HECTD4: variants seen among roughly 807,000 people sequenced by gnomAD.
The protein encoded by HECTD4 is probable E3 ubiquitin-protein ligase HECTD4.
In HECTD4, 114 loss-of-function variants were observed where a neutral mutation model predicts 471.5. That is an observed-to-expected ratio of 0.24 (90% CI 0.21 to 0.28). The LOEUF is 0.28. HECTD4 is among the 10% of genes least tolerant of loss of function. The probability of loss-of-function intolerance (pLI) is 1.00; values close to 1 mark genes in which losing one functional copy is unlikely to be tolerated. For missense variants in HECTD4, 3,866 were observed against 5,651.5 expected (o/e 0.68, Z 10.13); for synonymous variants, 2,012 against 2,256.0 (o/e 0.89, Z 3.07).
chr12:112,289,018 T>C (rs1296919613), intron 7 of HECTD4, among the ~76,000 whole-genome samples: 1 of 152,264 alleles, frequency 6.6e-6, no homozygotes, highest in Admixed American at 6.5e-5. Context: ...TTTATATTAA[T>C]AATAGTTTGT....
At chr12:112,164,544 T>C (rs2030847180) in intron 72 of HECTD4, among the ~76,000 whole-genome samples, 1 of 151,942 alleles carries the variant, frequency 6.6e-6, no homozygotes, top group Non-Finnish European at 1.5e-5. Flanking sequence ...ATGGACCGAC[T>C]ATGATGGGAA....
At chr12:112,330,009 G>A (rs2135714084) in intron 1 of HECTD4, among the ~76,000 whole-genome samples, 1 of 152,052 alleles carries the variant, frequency 6.6e-6, no homozygotes, top group South Asian at 2.1e-4. Context: ...GGGCGCAGTG[G>A]CTCACGCCTA....
intron 1 of HECTD4, among the ~76,000 whole-genome samples, chr12:112,338,548 A>G (rs1566117017): frequency 6.6e-6 from 1 of 152,108 alleles, no homozygotes; most frequent in Non-Finnish European, 1.5e-5. Context: ...TGAACCCAGG[A>G]GGCGCAGGTT....
intron 1 of HECTD4, among the ~76,000 whole-genome samples, chr12:112,332,342 G>A (rs1030055486): frequency 6.6e-6 from 1 of 151,852 alleles, no homozygotes; most frequent in Non-Finnish European, 1.5e-5. Flanking sequence ...AGACCAGCCT[G>A]GCCAACCAAC....
intron 1 of HECTD4, among the ~76,000 whole-genome samples, chr12:112,328,025 T>C (rs1394329640): frequency 6.6e-6 from 1 of 152,228 alleles, no homozygotes; most frequent in Non-Finnish European, 1.5e-5. Flanking sequence ...CAATTCATTA[T>C]ATGAACCTGT....
intron 54 of HECTD4, chr12:112,203,378 T>C: frequency 2.9e-6 from 1 of 343,974 alleles, no homozygotes; most frequent in Non-Finnish European, 5.3e-6. Context: ...CAGAAAATAA[T>C]GGTAGAGGTG....
chr12:112,344,375 T>G, intron 1 of HECTD4, among the ~76,000 whole-genome samples: 1 of 152,122 alleles, frequency 6.6e-6, no homozygotes, highest in East Asian at 1.9e-4. Context: ...TCTGTAACAA[T>G]TCAGATGAGT....
intron 55 of HECTD4, among the ~76,000 whole-genome samples, chr12:112,198,514 G>A (rs1343042713): frequency 6.6e-6 from 1 of 152,216 alleles, no homozygotes; most frequent in East Asian, 1.9e-4. Flanking sequence ...CTGTTGTGGA[G>A]AGGAGAGTTG....
intron 54 of HECTD4, chr12:112,202,862 G>A (rs1021635875): frequency 6.6e-6 from 1 of 152,218 alleles, no homozygotes; most frequent in African/African-American, 2.4e-5. Flanking sequence ...GGAAACCACT[G>A]ATCCAGTTTA....
At chr12:112,252,075 T>G (rs1026566415) in intron 23 of HECTD4, among the ~76,000 whole-genome samples, 5 of 152,170 alleles carry the variant, frequency 3.3e-5, no homozygotes, top group Admixed American at 6.6e-5. Flanking sequence ...CCCAGCCGGA[T>G]GCTTAACTAC....
At chr12:112,295,678 G>A (rs752221033) in intron 7 of HECTD4, among the ~76,000 whole-genome samples, 1 of 148,592 alleles carries the variant, frequency 6.7e-6, no homozygotes, top group African/African-American at 2.5e-5. Flanking sequence ...GTCTCACTCC[G>A]CTGCCCAGGC....
intron 15 of HECTD4, 88 bp downstream of exon 15, chr12:112,265,789 CA>C (rs2034254978): frequency 2.1e-6 from 2 of 935,752 alleles, no homozygotes; most frequent in African/African-American, 3.2e-5. Context: ...TTAGTTATAA[CA>C]GGAGACTAAA....
rs1188428461 is a variant in HECTD4 at position 112,213,523 on chromosome 12, A to G, written c.7466-873T>C. Among the ~76,000 whole-genome samples, 1 of 150,790 alleles carries G rather than the reference A, an allele frequency of 6.6e-6. No homozygotes were observed. Among genetic ancestry groups the G allele is most frequent in the Non-Finnish European group, 1.5e-5 (1 of 67,800 alleles). On this transcript the variant is annotated intron_variant, in intron 48 of 75. Coordinates refer to ENST00000682272, the MANE Select transcript of HECTD4 (RefSeq NM_001388303.1). This position sits in a 1 kb window ranked among gnomAD's most constrained non-coding sequence, Gnocchi z 4.0. ...AACACGGTGAAACCCTGTCTCTACT[A>G]AAAATACAAAAATTTCGCCGGGCTA...
chr12:112,335,462 G>A (rs904107622), intron 1 of HECTD4, among the ~76,000 whole-genome samples: 1 of 152,122 alleles, frequency 6.6e-6, no homozygotes, highest in East Asian at 1.9e-4. Context: ...GGAGGCCGAG[G>A]TGGGCAGATC....
In HECTD4 at chr12:112,265,772, G is replaced by A. The variant is rs546281428; in HGVS notation, c.2498+106C>T. 31 of 767,904 alleles carry A rather than the reference G, an allele frequency of 4.0e-5. 1 individual carries two copies. Among genetic ancestry groups the A allele is most frequent in the South Asian group, 3.1e-4 (18 of 57,652 alleles). 47.6% of individuals were successfully genotyped at this position (767,904 alleles called of 1,614,324 possible). ...CATGCTTTAGGTTTAACATGCTAAC[G>A]ATCGTATTAGTTATAACAGGAGACT... On this transcript the variant is annotated intron_variant, in intron 15 of 75. Coordinates refer to ENST00000682272, the MANE Select transcript of HECTD4 (RefSeq NM_001388303.1).
At chr12:112,305,266 G>A (rs772012435) in intron 7 of HECTD4, among the ~76,000 whole-genome samples, 2 of 152,086 alleles carry the variant, frequency 1.3e-5, no homozygotes, top group African/African-American at 2.4e-5. Context: ...TGTGCAAGAC[G>A]GTGTGGATCT....
intron 64 of HECTD4, among the ~76,000 whole-genome samples, chr12:112,176,947 T>C (rs1334872886): frequency 6.6e-6 from 1 of 152,244 alleles, no homozygotes; most frequent in African/African-American, 2.4e-5. Flanking sequence ...AAACACTCTT[T>C]CTACATATTT....
rs919853664 is a variant in HECTD4 at position 112,289,277 on chromosome 12, T to A, written c.1336-5975A>T. Among the ~76,000 whole-genome samples, 37 of 152,208 alleles carry A rather than the reference T, an allele frequency of 2.4e-4. 1 individual carries two copies. Among genetic ancestry groups the A allele is most frequent in the Middle Eastern group, 6.8e-3 (2 of 294 alleles). ...ACCACACCCAGCTAATTAAAAAAAA[T>A]TTTTTTGTAGAAATGGGGTCTCACT... On this transcript the variant is annotated intron_variant, in intron 7 of 75. Transcript: ENST00000682272.
chr12:112,167,694 A>G, intron 71 of HECTD4, 120 bp downstream of exon 71: 1 of 1,078,384 alleles, frequency 9.3e-7, no homozygotes, highest in East Asian at 2.5e-5. Context: ...ACCTGTCCCC[A>G]CAGATTGGGA....
Sources: allele counts gnomAD v4.1 joint callset (sites outside exome capture counted in the v4.1 genomes callset), GRCh38; gene constraint gnomAD v4.1.1; non-coding constraint Gnocchi (gnomAD v3.1); transcripts MANE v1.5; gene names NCBI Gene and HGNC (gene_info 2026-07-23, HGNC 2026-07-21).